The following EXOC6B variants were observed in gnomAD, a reference collection of about 807,000 sequenced individuals.
EXOC6B encodes SEC15 homolog B.
A neutral mutation model predicts 113.5 loss-of-function variants in EXOC6B; 54 were observed. The observed-to-expected ratio is 0.48, with a 90% CI of 0.38 to 0.60. The LOEUF (loss-of-function observed/expected upper bound fraction) is 0.60. Among genes scored for constraint, EXOC6B ranks in the 20% least tolerant of loss-of-function variants. The pLI, the probability that EXOC6B is intolerant of heterozygous loss-of-function variation, is 0.00. For synonymous variants in EXOC6B, 357 were observed against 339.0 expected, an observed-to-expected ratio of 1.05 and a Z score of -0.58; for missense variants, 797 against 977.5, an observed-to-expected ratio of 0.82 and a Z score of 2.46.
intron 19 of EXOC6B, among the ~76,000 whole-genome samples, chr2:72,374,643 T>C (rs1691241945): frequency 6.6e-6 from 1 of 151,768 alleles, no homozygotes; most frequent in Admixed American, 6.6e-5. Context: ...AGGGTGGCAA[T>C]AGTCAAAATA....
intron 6 of EXOC6B, among the ~76,000 whole-genome samples, chr2:72,630,668 G>GA (rs540685533): frequency 6.7e-5 from 10 of 149,768 alleles, no homozygotes; most frequent in East Asian, 3.9e-4. Context: ...ATTCCAAAAA[G>GA]AAAAAAAAAC....
intron 8 of EXOC6B, among the ~76,000 whole-genome samples, chr2:72,526,975 G>A (rs1257601694): frequency 3.3e-5 from 5 of 151,816 alleles, no homozygotes; most frequent in African/African-American, 9.7e-5. Context: ...TTCACATCCA[G>A]GAAACTGATA....
chr2:72,561,740 G>C (rs745956293), intron 7 of EXOC6B, among the ~76,000 whole-genome samples: 1 of 152,112 alleles, frequency 6.6e-6, no homozygotes, highest in African/African-American at 2.4e-5. Flanking sequence ...TTAGAAAGGA[G>C]ACAAAGGCCA....
rs879881074 is a variant in EXOC6B at position 72,386,133 on chromosome 2, TA to T, written c.1981-6264del. On this transcript the variant is annotated intron_variant, in intron 18 of 21. Transcript: ENST00000272427. ...CCTATTGTCCATCAATGGATGAATG[TA>T]AAAAAAAAATCTGCTATATATATAC... 2.1e-3 allele frequency among the ~76,000 whole-genome samples: 309 copies of T among 147,280 alleles called. 2 individuals are homozygous for T. The highest frequency in any genetic ancestry group is 3.5e-3 in the Middle Eastern group (1 of 288).
At chr2:72,747,064 A>G (rs1681750739) in intron 1 of EXOC6B, among the ~76,000 whole-genome samples, 1 of 151,820 alleles carries the variant, frequency 6.6e-6, no homozygotes, top group Admixed American at 6.6e-5. Context: ...GTTTAAAAAG[A>G]GAGAGAGAGA....
intron 1 of EXOC6B, among the ~76,000 whole-genome samples, chr2:72,762,098 G>A (rs1409469755): frequency 6.6e-6 from 1 of 152,034 alleles, no homozygotes; most frequent in Non-Finnish European, 1.5e-5. Context: ...ACAAAAATTA[G>A]CTGGGCGTGG....
chr2:72,537,464 A>C (rs1043674973), intron 8 of EXOC6B, among the ~76,000 whole-genome samples: 4 of 151,454 alleles, frequency 2.6e-5, no homozygotes, highest in Non-Finnish European at 5.9e-5. Context: ...AAAAAAAAAA[A>C]AAAAACCCCA....
rs1014327801 is a variant in EXOC6B at position 72,177,739 on chromosome 2, C to G, written c.*1596G>C. On this transcript the variant is annotated 3_prime_UTR_variant, in exon 22 of 22. Coordinates refer to ENST00000272427, the MANE Select transcript of EXOC6B (RefSeq NM_015189.3). Reference sequence around the variant, plus strand: ...TTGGGGAGGGGCAAGGAAGTACTTCCCTCCCCAGAAGCAACTCAGTAGCTG... The same window carrying G: ...TTGGGGAGGGGCAAGGAAGTACTTCGCTCCCCAGAAGCAACTCAGTAGCTG... The G allele has an allele frequency of 6.6e-6, 1 of 152,092 alleles. No individual in the cohort carries two copies. The highest frequency in any genetic ancestry group is 1.5e-5 in the Non-Finnish European group (1 of 68,032). 9.4% of individuals were successfully genotyped at this position (152,092 alleles called of 1,614,324 possible). A position where few individuals can be genotyped will look rare whatever the true frequency, so the allele number is the denominator to read the frequency against.
intron 20 of EXOC6B, among the ~76,000 whole-genome samples, chr2:72,315,637 A>G (rs1245212623): frequency 6.6e-6 from 1 of 152,168 alleles, no homozygotes; most frequent in Non-Finnish European, 1.5e-5. Flanking sequence ...TATTTTAAAG[A>G]GGGAGAAAAC....
intron 7 of EXOC6B, among the ~76,000 whole-genome samples, chr2:72,568,962 A>G (rs1704359498): frequency 6.6e-6 from 1 of 151,884 alleles, no homozygotes. Context: ...ATCACCACAA[A>G]AAAAAAAAAA....
intron 20 of EXOC6B, among the ~76,000 whole-genome samples, chr2:72,256,420 A>T (rs1204870725): frequency 6.6e-6 from 1 of 152,240 alleles, no homozygotes; most frequent in Non-Finnish European, 1.5e-5. Flanking sequence ...GTTCATAGAA[A>T]AAGCATGAAA....
chr2:72,365,245 T>TA (rs1173396729), intron 19 of EXOC6B, among the ~76,000 whole-genome samples: 4 of 151,790 alleles, frequency 2.6e-5, no homozygotes, highest in East Asian at 1.9e-4. Flanking sequence ...TTACTTTCAT[T>TA]AAAAAAAACC....
In EXOC6B at chr2:72,423,657, G is replaced by A. The variant is rs139913999; in HGVS notation, c.1980+41503C>T. On this transcript the variant is annotated intron_variant, in intron 18 of 21. Transcript: ENST00000272427. ...CTCCAGTGAAAAATATTAAATAATAGTGGTACTAGGAAACAATCTTTGTTT... is the reference window on the plus strand; with the variant it reads ...CTCCAGTGAAAAATATTAAATAATAATGGTACTAGGAAACAATCTTTGTTT... Among the ~76,000 whole-genome samples the A allele has an allele frequency of 1.5e-4, 23 of 152,048 alleles. No homozygotes were observed. The East Asian group carries it at 4.4e-3, about 29-fold the overall frequency.
intron 8 of EXOC6B, among the ~76,000 whole-genome samples, chr2:72,536,297 G>A (rs1369509097): frequency 6.6e-6 from 1 of 151,950 alleles, no homozygotes; most frequent in Non-Finnish European, 1.5e-5. Flanking sequence ...GTATTATTGA[G>A]TTTGTTTTAA....
chr2:72,269,449 G>T (rs1330227214), intron 20 of EXOC6B, among the ~76,000 whole-genome samples: 1 of 152,144 alleles, frequency 6.6e-6, no homozygotes, highest in Non-Finnish European at 1.5e-5. Flanking sequence ...TTTTAGGTAT[G>T]AGCCAGCCAT....
At chr2:72,231,611 T>C (rs1681623645) in intron 20 of EXOC6B, among the ~76,000 whole-genome samples, 1 of 152,128 alleles carries the variant, frequency 6.6e-6, no homozygotes, top group Admixed American at 6.5e-5. Context: ...AACTCTACTA[T>C]ATGAAGAGCT....
chr2:72,586,742 C>A (rs878962813), intron 6 of EXOC6B, among the ~76,000 whole-genome samples: 1 of 151,506 alleles, frequency 6.6e-6, no homozygotes, highest in Admixed American at 6.6e-5. Flanking sequence ...CAGAGCAAGA[C>A]TCCGTCTCAA....
At chr2:72,824,869 G>C (rs930226883) in intron 1 of EXOC6B, among the ~76,000 whole-genome samples, 1 of 152,170 alleles carries the variant, frequency 6.6e-6, no homozygotes, top group Non-Finnish European at 1.5e-5. Context: ...CAGTGGTTAA[G>C]TGTCTGGGTC....
intron 20 of EXOC6B, among the ~76,000 whole-genome samples, chr2:72,329,027 C>A (rs1688286805): frequency 6.6e-6 from 1 of 152,070 alleles, no homozygotes; most frequent in Non-Finnish European, 1.5e-5. Flanking sequence ...CAGAATATTT[C>A]AACTGAGCGC....
Sources: gnomAD v4.1 joint callset for allele counts (sites outside exome capture counted in the v4.1 genomes callset) on GRCh38, gnomAD v4.1.1 for gene constraint, MANE v1.5 for transcripts, NCBI Gene and HGNC (gene_info 2026-07-23, HGNC 2026-07-21) for gene names.